The following KCNIP4 variants were observed in gnomAD, a reference collection of about 807,000 sequenced individuals.
KCNIP4 encodes the protein Kv channel-interacting protein 4.
Under a neutral mutation model 34.0 loss-of-function variants are expected in KCNIP4, and 12 were observed. The ratio of observed to expected loss-of-function variants is 0.35; its 90% CI spans 0.23 to 0.57. The LOEUF is 0.57. KCNIP4 is among the 20% of genes least tolerant of loss of function. The pLI, the probability that KCNIP4 is intolerant of heterozygous loss-of-function variation, is 0.83. For synonymous variants in KCNIP4, 124 were observed against 102.2 expected (o/e 1.21, Z -1.29); for missense variants, 238 against 311.7 (o/e 0.76, Z 1.78).
intron 1 of KCNIP4, among the ~76,000 whole-genome samples, chr4:21,322,866 G>T (rs1270974684): frequency 6.6e-6 from 1 of 152,016 alleles, no homozygotes; most frequent in Non-Finnish European, 1.5e-5. Context: ...ACCAGAAATA[G>T]AATTCTAGAC....
chr4:20,799,229 G>T (rs1251009253), intron 3 of KCNIP4, among the ~76,000 whole-genome samples: 1 of 152,158 alleles, frequency 6.6e-6, no homozygotes, highest in African/African-American at 2.4e-5. Context: ...GCCAGCAGGG[G>T]ATTTCAGATA....
chr4:21,939,646 C>T (rs1730084754), intron 1 of KCNIP4, among the ~76,000 whole-genome samples: 1 of 152,130 alleles, frequency 6.6e-6, no homozygotes, highest in Non-Finnish European at 1.5e-5. Context: ...GATATCATGA[C>T]TTCAGCAGAA....
At chr4:21,394,907 A>G (rs557832453) in intron 1 of KCNIP4, among the ~76,000 whole-genome samples, 9 of 152,104 alleles carry the variant, frequency 5.9e-5, no homozygotes, top group Middle Eastern at 3.2e-3. Flanking sequence ...CTTTTATTAC[A>G]TTTCCATTTA....
At chr4:21,009,034 A>G (rs1353405945) in intron 1 of KCNIP4, among the ~76,000 whole-genome samples, 1 of 152,188 alleles carries the variant, frequency 6.6e-6, no homozygotes, top group Non-Finnish European at 1.5e-5. Context: ...TCTTTCACAA[A>G]TAATACAGAG....
At chr4:21,564,861 T>C (rs6448057) in intron 1 of KCNIP4, among the ~76,000 whole-genome samples, 68,375 of 151,690 alleles carry the variant, frequency 0.45, 15,438 homozygotes, top group East Asian at 0.56. Flanking sequence ...TTTTAACAAA[T>C]AGCTCTTAAG....
chr4:21,720,828 T>G (rs1714778832), intron 1 of KCNIP4, among the ~76,000 whole-genome samples: 1 of 152,086 alleles, frequency 6.6e-6, no homozygotes, highest in Non-Finnish European at 1.5e-5. Context: ...TTCATCCATG[T>G]CCCTACAAAG....
intron 1 of KCNIP4, among the ~76,000 whole-genome samples, chr4:21,580,254 G>C (rs1429365280): frequency 6.6e-6 from 1 of 151,980 alleles, no homozygotes; most frequent in East Asian, 1.9e-4. Context: ...TATCTCCTTT[G>C]ATACTAATAC....
At chr4:21,660,957 T>C (rs1748401524) in intron 1 of KCNIP4, among the ~76,000 whole-genome samples, 1 of 152,036 alleles carries the variant, frequency 6.6e-6, no homozygotes, top group South Asian at 2.1e-4. Flanking sequence ...AGCATTCCTG[T>C]TTTCGTGCCC....
At chr4:21,049,371 C>A (rs995388015) in intron 1 of KCNIP4, among the ~76,000 whole-genome samples, 1 of 152,068 alleles carries the variant, frequency 6.6e-6, no homozygotes, top group African/African-American at 2.4e-5. Context: ...GTTTTAAGCC[C>A]GTAAGTTTTG....
intron 1 of KCNIP4, among the ~76,000 whole-genome samples, chr4:21,767,721 A>G (rs753479181): frequency 1.6e-4 from 25 of 152,152 alleles, no homozygotes; most frequent in Non-Finnish European, 3.5e-4. Context: ...AGAGAAAAAT[A>G]TACACAGCGG....
chr4:20,815,587 G>A (rs1267552382), intron 3 of KCNIP4, among the ~76,000 whole-genome samples: 4 of 152,114 alleles, frequency 2.6e-5, no homozygotes, highest in Non-Finnish European at 5.9e-5. Flanking sequence ...ATCTCAGCTG[G>A]CAGCGATCTG....
rs184375746 is a variant in KCNIP4 at position 21,491,845 on chromosome 4, C to T, written c.61+456726G>A. On this transcript the variant is annotated intron_variant, in intron 1 of 8. Coordinates refer to ENST00000382152, the MANE Select transcript of KCNIP4 (RefSeq NM_025221.6). ...AAATAACATAATCATAATTAAGCTA[C>T]CAGCAATTTAACAATGAAAAACCCA... 3.7e-3 allele frequency among the ~76,000 whole-genome samples: 563 copies of T among 152,202 alleles called. 3 individuals carry two copies. Among genetic ancestry groups the T allele is most frequent in the Middle Eastern group, 0.014 (4 of 292 alleles).
intron 1 of KCNIP4, among the ~76,000 whole-genome samples, chr4:20,946,435 A>G (rs1732195912): frequency 6.6e-6 from 1 of 152,110 alleles, no homozygotes; most frequent in Non-Finnish European, 1.5e-5. Context: ...AATGCAGAAG[A>G]CGAGTTAGCA....
intron 1 of KCNIP4, among the ~76,000 whole-genome samples, chr4:21,837,871 T>C (rs1272892558): frequency 2.0e-5 from 3 of 152,118 alleles, no homozygotes; most frequent in East Asian, 3.9e-4. Context: ...CCATCAATAT[T>C]TCTACTAAAA....
At chr4:21,355,294 C>T (rs1309328116) in intron 1 of KCNIP4, among the ~76,000 whole-genome samples, 1 of 152,056 alleles carries the variant, frequency 6.6e-6, no homozygotes, top group Non-Finnish European at 1.5e-5. Flanking sequence ...CAAGAAATAA[C>T]TAAGATGAGA....
chr4:20,954,423 G>C (rs1733089939), intron 1 of KCNIP4, among the ~76,000 whole-genome samples: 1 of 152,148 alleles, frequency 6.6e-6, no homozygotes, highest in Non-Finnish European at 1.5e-5. Context: ...CAAATCAATA[G>C]ACACTTATTT....
rs1253842904 is a variant in KCNIP4 at position 21,018,802 on chromosome 4, A to G, written c.62-136093T>C. On this transcript the variant is annotated intron_variant, in intron 1 of 8. Transcript: ENST00000382152. ...CTTCTTGGGATACTTGGACTAACAT[A>G]GAAAGTATTAGTGAGAACTACATAA... Among the ~76,000 whole-genome samples the G allele has an allele frequency of 2.0e-5, 3 of 152,212 alleles. No individual in the cohort carries two copies. The East Asian group carries it at 5.8e-4, about 29-fold the overall frequency.
rs199513454 is a variant in KCNIP4, at chr4:21,379,962, G to C, written c.62-497253C>G. Among the ~76,000 whole-genome samples, 59 of 145,878 alleles carry C rather than the reference G, an allele frequency of 4.0e-4. No homozygotes were observed. In the East Asian group the frequency reaches 9.1e-3, roughly 23 times the overall value. On this transcript the variant is annotated intron_variant, in intron 1 of 8. Transcript: ENST00000382152. The stretch of plus-strand genomic sequence containing the variant: ...GCACCCTAGTATCTAAGAAGAAAAT[G>C]AGTATATTCAAATTGGAGATGATCT...
chr4:20,743,067 A>G lies in KCNIP4; in HGVS notation c.429+6595T>C, dbSNP rs1007963354. On this transcript the variant is annotated intron_variant, in intron 5 of 8. Transcript: ENST00000382152. ...CCTTATAAGGGTGTGAAGGACCCTT[A>G]TAAGTTCACCCTTATGTGAACTACG... 2.8e-5 allele frequency among the ~76,000 whole-genome samples: 4 copies of G among 144,210 alleles called. No homozygotes were observed. In the East Asian group the frequency reaches 6.1e-4, roughly 22 times the overall value. The allele number at this position is 144,210 out of a possible 152,430, so 94.6% of individuals were successfully genotyped here.
Sources: gnomAD v4.1 joint callset for allele counts (sites outside exome capture counted in the v4.1 genomes callset) on GRCh38, gnomAD v4.1.1 for gene constraint, MANE v1.5 for transcripts, NCBI Gene and HGNC (gene_info 2026-07-23, HGNC 2026-07-21) for gene names.